Variants in DRG1 observed in about 807,000 individuals in gnomAD.
The protein encoded by DRG1 is developmentally regulated GTP binding protein 1, also known as developmentally-regulated GTP-binding protein 1.
Under a neutral mutation model 38.8 loss-of-function variants are expected in DRG1, and 19 were observed. That is an observed-to-expected ratio of 0.49 (90% CI 0.34 to 0.72). The LOEUF is 0.72. DRG1 is among the 30% of genes least tolerant of loss of function. The pLI is 0.01. For synonymous variants in DRG1, 167 were observed against 157.5 expected (o/e 1.06, Z -0.45); for missense variants, 299 against 444.8 (o/e 0.67, Z 2.95).
At chr22:31,433,613 T>C (rs1265915082) in intron 8 of DRG1, among the ~76,000 whole-genome samples, 2 of 152,208 alleles carry the variant, frequency 1.3e-5, no homozygotes, top group Non-Finnish European at 2.9e-5. Context: ...CTTTTAATTT[T>C]AAACTAGGCT....
intron 4 of DRG1, among the ~76,000 whole-genome samples, chr22:31,417,546 G>A (rs2050051622): frequency 6.6e-6 from 1 of 151,430 alleles, no homozygotes. Context: ...TGGGCATGGT[G>A]ATGCATGCCT....
intron 8 of DRG1, among the ~76,000 whole-genome samples, chr22:31,432,794 C>T (rs1043968560): frequency 3.3e-5 from 5 of 151,902 alleles, no homozygotes; most frequent in East Asian, 1.9e-4. Flanking sequence ...CTCCTGACCT[C>T]GTGATCCGCC....
At chr22:31,426,568 T>C (rs1347516863) in intron 6 of DRG1, 47 bp from the exon 7 acceptor site, 1 of 1,543,946 alleles carries the variant, frequency 6.5e-7, no homozygotes, top group Non-Finnish European at 8.8e-7. Context: ...CTGACAGTTC[T>C]GTCAACAACT....
chr22:31,425,421 T>C (rs1439541576), intron 6 of DRG1, among the ~76,000 whole-genome samples: 1 of 151,540 alleles, frequency 6.6e-6, no homozygotes, highest in Non-Finnish European at 1.5e-5. Flanking sequence ...TAGCTGAATA[T>C]CTGTTTCATG....
At chr22:31,423,484 T>C in intron 6 of DRG1, 74 bp downstream of exon 6, 5 of 1,518,738 alleles carry the variant, frequency 3.3e-6, no homozygotes, top group Non-Finnish European at 4.5e-6. Context: ...GGATCTTGAA[T>C]CTGGCAGAAG....
intron 8 of DRG1, among the ~76,000 whole-genome samples, chr22:31,431,606 G>A (rs573012264): frequency 3.7e-4 from 57 of 152,208 alleles, no homozygotes; most frequent in Non-Finnish European, 7.1e-4. Flanking sequence ...ACATTGCAGC[G>A]AGCCAAGATA....
intron 8 of DRG1, among the ~76,000 whole-genome samples, chr22:31,432,673 G>A (rs993050110): frequency 6.6e-6 from 1 of 151,896 alleles, no homozygotes; most frequent in Non-Finnish European, 1.5e-5. Flanking sequence ...TGATCCGCCC[G>A]CCTGGGCCTC....
At position 31,426,708 on chromosome 22, in the gene DRG1, C is replaced by G; in HGVS notation, c.807C>G (p.Pro269=). ...DIIYKVPHCV[P]ISAHHRWNFD... is the part of the protein sequence containing the mutation. Reference sequence around the variant, plus strand: ...TCTATAAGGTGCCTCACTGTGTACCCATCTCTGCCCATCACCGCTGGAATT... The same window carrying G: ...TCTATAAGGTGCCTCACTGTGTACCGATCTCTGCCCATCACCGCTGGAATT... Residue 269 remains proline, a synonymous_variant, in exon 7 of 9, where the codon CCC becomes CCG. Transcript: ENST00000331457. The G allele has an allele frequency of 1.2e-6, 2 of 1,614,150 alleles. No homozygotes were observed. The highest frequency in any genetic ancestry group is 1.7e-6 in the Non-Finnish European group (2 of 1,180,034).
At chr22:31,407,424 C>G (rs2049994787) in intron 3 of DRG1, among the ~76,000 whole-genome samples, 1 of 152,122 alleles carries the variant, frequency 6.6e-6, no homozygotes, top group African/African-American at 2.4e-5. Context: ...CAGCCTCGAC[C>G]TCCTGGGTTC....
Position 31,403,023 on chromosome 22 carries a change from T to A in DRG1, c.167-6T>A, listed in dbSNP as rs2097124739. On this transcript the variant is annotated splice_polypyrimidine_tract_variant and splice_region_variant and intron_variant, in intron 2 of 8. Coordinates refer to ENST00000331457, the MANE Select transcript of DRG1 (RefSeq NM_004147.4). ...CTCCTCTTTTTGGTATTCATTGATG[T>A]TTTAGGTTTTGATGTGGCCAAGACA... 4 of 1,607,542 alleles carry A rather than the reference T, an allele frequency of 2.5e-6. No individual in the cohort carries two copies. The Admixed American group carries it at 6.8e-5, about 27-fold the overall frequency.
At chr22:31,400,211 C>G (rs1285072607) in intron 1 of DRG1, among the ~76,000 whole-genome samples, 1 of 151,854 alleles carries the variant, frequency 6.6e-6, no homozygotes, top group Non-Finnish European at 1.5e-5. Flanking sequence ...TCCCGGTAAT[C>G]GGATCTGGAA....
intron 6 of DRG1, 115 bp downstream of exon 6, chr22:31,423,525 T>A: frequency 9.0e-4 from 231 of 255,440 alleles, no homozygotes; most frequent in East Asian, 1.6e-3. Context: ...CCTACTGTCT[T>A]TTTTTTTTTT....
chr22:31,419,951 G>C (rs1318878564), intron 4 of DRG1, among the ~76,000 whole-genome samples: 1 of 152,158 alleles, frequency 6.6e-6, no homozygotes, highest in East Asian at 1.9e-4. Flanking sequence ...GCTGAGGGAG[G>C]AGAATCGCTT....
chr22:31,422,822 G>A (rs957629374), intron 5 of DRG1, among the ~76,000 whole-genome samples: 1 of 152,220 alleles, frequency 6.6e-6, no homozygotes, highest in African/African-American at 2.4e-5. Context: ...CTAGAAGTCT[G>A]AGATGAAGTT....
intron 4 of DRG1, among the ~76,000 whole-genome samples, chr22:31,415,457 C>A (rs1173620318): frequency 6.6e-6 from 1 of 151,884 alleles, no homozygotes; most frequent in Non-Finnish European, 1.5e-5. Flanking sequence ...AATAAAAATC[C>A]TTAATTTTGT....
intron 1 of DRG1, among the ~76,000 whole-genome samples, chr22:31,400,091 T>C (rs911415159): frequency 1.3e-5 from 2 of 152,174 alleles, no homozygotes; most frequent in African/African-American, 4.8e-5. Flanking sequence ...ATTCCATCTC[T>C]GACTTGGTCA....
At chr22:31,431,381 A>G (rs2050139063) in intron 8 of DRG1, among the ~76,000 whole-genome samples, 1 of 152,124 alleles carries the variant, frequency 6.6e-6, no homozygotes, top group African/African-American at 2.4e-5. Flanking sequence ...AAAGAAGAAA[A>G]TAGGGCTAGG....
intron 1 of DRG1, 118 bp from the exon 2 acceptor site, chr22:31,400,502 T>C (rs2049954978): frequency 7.5e-7 from 1 of 1,341,282 alleles, no homozygotes; most frequent in Non-Finnish European, 1.0e-6. Context: ...TTTACTCTTT[T>C]AAAGCCTGTA....
intron 4 of DRG1, among the ~76,000 whole-genome samples, chr22:31,417,717 A>G (rs2050052520): frequency 6.6e-6 from 1 of 151,820 alleles, no homozygotes; most frequent in Non-Finnish European, 1.5e-5. Context: ...CAGGCTGGGC[A>G]TGGTGGTACA....
Sources: allele counts gnomAD v4.1 joint callset (sites outside exome capture counted in the v4.1 genomes callset), GRCh38; gene constraint gnomAD v4.1.1; transcripts MANE v1.5; gene names NCBI Gene and HGNC (gene_info 2026-07-23, HGNC 2026-07-21).